Variants in ZC3H12B observed in about 807,000 individuals in gnomAD.
ZC3H12B encodes the protein zinc finger CCCH-type containing 12B.
Under a neutral mutation model 43.9 loss-of-function variants are expected in ZC3H12B, and 7 were observed. The observed-to-expected ratio is 0.16, with a 90% confidence interval of 0.09 to 0.30. The LOEUF (loss-of-function observed/expected upper bound fraction) is 0.30. Among genes scored for constraint, ZC3H12B ranks in the 10% least tolerant of loss-of-function variants. The pLI is 1.00. For synonymous variants in ZC3H12B, 222 were observed against 241.7 expected, an observed-to-expected ratio of 0.92 and a Z score of 0.76; for missense variants, 475 against 670.2, an observed-to-expected ratio of 0.71 and a Z score of 3.22.
At chrX:65,151,426 C>G in the ZC3H12B span, among the ~76,000 whole-genome samples, 5 of 112,014 alleles carry the variant, frequency 4.5e-5, no homozygotes, top group Non-Finnish European at 7.5e-5. Context: ...TGTTCATCCT[C>G]TCAAAATTAT....
chrX:65,125,236 T>C, the ZC3H12B span, among the ~76,000 whole-genome samples: 1 of 112,040 alleles, frequency 8.9e-6, no homozygotes, highest in African/African-American at 3.2e-5. Flanking sequence ...GATTTCATTG[T>C]TAAACCAATG....
the ZC3H12B span, among the ~76,000 whole-genome samples, chrX:65,196,404 C>A: frequency 6.3e-5 from 7 of 111,243 alleles, no homozygotes; most frequent in Non-Finnish European, 1.3e-4. Flanking sequence ...TTACCAAATT[C>A]CGGGGGGGAT....
the ZC3H12B span, among the ~76,000 whole-genome samples, chrX:65,171,152 T>A: frequency 9.0e-6 from 1 of 111,335 alleles, no homozygotes; most frequent in African/African-American, 3.3e-5. Flanking sequence ...TTCTGCTTGG[T>A]TTCTCCTCAT....
At chrX:65,132,760 G>C in the ZC3H12B span, among the ~76,000 whole-genome samples, 1 of 111,337 alleles carries the variant, frequency 9.0e-6, no homozygotes, top group Non-Finnish European at 1.9e-5. Context: ...AGGGAAACAG[G>C]CCCTTGAAAA....
chrX:65,274,379 G>A, the ZC3H12B span, among the ~76,000 whole-genome samples: 2 of 110,164 alleles, frequency 1.8e-5, no homozygotes, highest in Non-Finnish European at 3.8e-5. Flanking sequence ...CTGCTCTAGG[G>A]GCCAGTAGCT....
the ZC3H12B span, among the ~76,000 whole-genome samples, chrX:65,291,045 T>C: frequency 3.6e-5 from 4 of 111,537 alleles, no homozygotes; most frequent in East Asian, 2.8e-4. Context: ...AAAATTCTTA[T>C]GTAGTCTCTG....
the ZC3H12B span, among the ~76,000 whole-genome samples, chrX:65,359,724 A>G: frequency 8.9e-6 from 1 of 112,521 alleles, no homozygotes. Flanking sequence ...CTCCTGGTGG[A>G]GATGCTGTGA....
At chrX:65,406,575 G>A (rs146175760) in intron 3 of ZC3H12B, among the ~76,000 whole-genome samples, 9,058 of 75,001 alleles carry the variant, frequency 0.12, 1,554 homozygotes, top group African/African-American at 0.49. Flanking sequence ...AACGGGGCTG[G>A]GCGGGGCTGG....
chrX:65,346,080 A>T, the ZC3H12B span, among the ~76,000 whole-genome samples: 2 of 111,614 alleles, frequency 1.8e-5, no homozygotes, highest in Admixed American at 1.9e-4. Context: ...TATTCCTATC[A>T]AACTTTTAAT....
chrX:65,151,848 C>T, the ZC3H12B span, among the ~76,000 whole-genome samples: 1 of 111,635 alleles, frequency 9.0e-6, no homozygotes, highest in African/African-American at 3.3e-5. Context: ...TACTGGCAAA[C>T]TGAATTCAAC....
At chrX:65,192,807 G>T in the ZC3H12B span, among the ~76,000 whole-genome samples, 3 of 111,531 alleles carry the variant, frequency 2.7e-5, no homozygotes, top group African/African-American at 9.7e-5. Context: ...TAGATAGATT[G>T]TTTTTGAGAT....
intron 2 of ZC3H12B, among the ~76,000 whole-genome samples, chrX:65,374,478 C>T (rs985585989): frequency 2.5e-4 from 27 of 106,722 alleles, no homozygotes; most frequent in Middle Eastern, 4.2e-3. Context: ...TAATTGATTA[C>T]GGATGGAGTA....
At chrX:65,341,475 C>T in the ZC3H12B span, among the ~76,000 whole-genome samples, 18 of 111,176 alleles carry the variant, frequency 1.6e-4, no homozygotes, top group Non-Finnish European at 2.3e-4. Context: ...CTCAGGTCAC[C>T]GACAAAGAGA....
upstream of ZC3H12B, among the ~76,000 whole-genome samples, chrX:65,362,446 CCCAGTT>C (rs1208767972): frequency 9.0e-6 from 1 of 111,012 alleles, no homozygotes; most frequent in Non-Finnish European, 1.9e-5. Context: ...TCCCCACTTG[CCCAGTT>C]CCCTTATTAG....
chrX:65,471,955 T>C (rs1306838356), intron 3 of ZC3H12B, among the ~76,000 whole-genome samples: 2 of 112,090 alleles, frequency 1.8e-5, no homozygotes, highest in Non-Finnish European at 3.8e-5. Flanking sequence ...CGCATATCTA[T>C]CTTTTGTTTC....
At chrX:65,428,376 C>T (rs1252780372) in intron 3 of ZC3H12B, among the ~76,000 whole-genome samples, 1 of 112,129 alleles carries the variant, frequency 8.9e-6, no homozygotes, top group Non-Finnish European at 1.9e-5. Context: ...GTTACATTCT[C>T]CCTGTCTCTG....
chrX:65,315,072 G>T, the ZC3H12B span, among the ~76,000 whole-genome samples: 5 of 110,583 alleles, frequency 4.5e-5, no homozygotes, highest in African/African-American at 1.6e-4. Flanking sequence ...TTAAAACAGG[G>T]AATAGAGGAA....
chrX:65,067,809 C>G, the ZC3H12B span, among the ~76,000 whole-genome samples: 1 of 109,583 alleles, frequency 9.1e-6, no homozygotes, highest in African/African-American at 3.3e-5. Context: ...TTTTGTAGTT[C>G]TTTATGATGC....
rs967096380 is a variant in ZC3H12B at position 65,390,768 on chromosome X, T to G, written n.296-7825T>G. On this transcript the variant is annotated intron_variant and non_coding_transcript_variant, in intron 2 of 5. Coordinates refer to the ZC3H12B transcript ENST00000617377. Reference sequence around the variant, plus strand: ...AACATTTCATTCAACAGCTGCAGAATACACATTATTTTCCTCAGCACATGG... The same window carrying G: ...AACATTTCATTCAACAGCTGCAGAAGACACATTATTTTCCTCAGCACATGG... 3.6e-5 allele frequency among the ~76,000 whole-genome samples: 4 copies of G among 110,971 alleles called. 1 individual carries two copies. The highest frequency in any genetic ancestry group is 5.6e-4 in the East Asian group (2 of 3,557).
Sources: gnomAD v4.1 joint callset for allele counts (sites outside exome capture counted in the v4.1 genomes callset) on GRCh38, gnomAD v4.1.1 for gene constraint, MANE v1.5 for transcripts, NCBI Gene and HGNC (gene_info 2026-07-23, HGNC 2026-07-21) for gene names.